PRSS48: variants seen among roughly 807,000 people sequenced by gnomAD.
The protein encoded by PRSS48 is serine protease 48, also known as epidermis-specific serine protease-like protein.
Under a neutral mutation model 25.6 loss-of-function variants are expected in PRSS48, and 21 were observed. The ratio of observed to expected loss-of-function variants is 0.82; its 90% CI spans 0.58 to 1.18. The LOEUF is 1.18. PRSS48 is among the 50% of genes most tolerant of loss of function. The probability of loss-of-function intolerance (pLI) is 0.00; values close to 1 mark genes in which losing one functional copy is unlikely to be tolerated. For synonymous variants in PRSS48, 150 were observed against 149.3 expected (o/e 1.00, Z -0.04); for missense variants, 373 against 399.3 (o/e 0.93, Z 0.56).
chr4:151,288,038 T>C (rs1287521089), intron 4 of PRSS48, among the ~76,000 whole-genome samples: 3 of 57,020 alleles, frequency 5.3e-5, no homozygotes, highest in Non-Finnish European at 1.2e-4. Flanking sequence ...ATCATGTCAA[T>C]AAATATGGAA....
At chr4:151,285,786 G>C (rs1774692343) in intron 4 of PRSS48, among the ~76,000 whole-genome samples, 1 of 151,968 alleles carries the variant, frequency 6.6e-6, no homozygotes, top group Admixed American at 6.6e-5. Context: ...AGGATCCCTT[G>C]AGCCCAGAAG....
rs745794438 is a variant in PRSS48, at chr4:151,291,341, C to A, written c.875C>A (p.Ser292Tyr). 6.2e-7 allele frequency: 1 copy of A among 1,613,924 alleles called. No individual in the cohort carries two copies. Among genetic ancestry groups the A allele is most frequent in the Admixed American group, 1.7e-5 (1 of 60,024 alleles). ...CTCTCTCTGGCTCTCCTGCGTCCCTCCTGTGCCTTTGGACCTAACACTATA... is the reference window on the plus strand; with the variant it reads ...CTCTCTCTGGCTCTCCTGCGTCCCTACTGTGCCTTTGGACCTAACACTATA... The change falls in exon 5 of 5, where the codon TCC becomes TAC. Residue 292 changes from serine (S) to tyrosine (Y), a missense_variant. By Grantham distance (144) the Ser-to-Tyr change is moderately radical. Transcript: ENST00000455694.
At chr4:151,287,804 C>T (rs1020740349) in intron 4 of PRSS48, among the ~76,000 whole-genome samples, 3 of 152,050 alleles carry the variant, frequency 2.0e-5, no homozygotes, top group Admixed American at 1.3e-4. Context: ...CACTTGAGAC[C>T]GGGAGGTCGA....
chr4:151,279,926 G>A (rs1403342309), exon 2 of PRSS48: 1 of 1,613,588 alleles, frequency 6.2e-7, no homozygotes, highest in South Asian at 1.1e-5. Context: ...TCAGTGAGAG[G>A]TTGATACTGA....
chr4:151,279,732 A>G, intron 1 of PRSS48, 64 bp from the exon 2 acceptor site: 1 of 1,476,014 alleles, frequency 6.8e-7, no homozygotes, highest in African/African-American at 1.4e-5. Flanking sequence ...GAATGATGAT[A>G]AGGTGGGGAC....
intron 3 of PRSS48, 46 bp from the exon 4 acceptor site, chr4:151,283,071 A>C: frequency 1.3e-6 from 2 of 1,587,238 alleles, no homozygotes; most frequent in African/African-American, 1.3e-5. Context: ...CTGCCCCTGC[A>C]CTTTTCTAGG....
exon 3 of PRSS48, chr4:151,282,191 A>G: frequency 2.5e-6 from 4 of 1,613,942 alleles, no homozygotes; most frequent in Non-Finnish European, 3.4e-6. Flanking sequence ...AGGATCGATT[A>G]CAGTAGGTGA....
At chr4:151,291,344 G>A (rs377609130) in exon 5 of PRSS48, 2 of 1,613,826 alleles carry the variant, frequency 1.2e-6, no homozygotes, top group African/African-American at 1.3e-5. Flanking sequence ...CGTCCCTCCT[G>A]TGCCTTTGGA....
chr4:151,286,600 TAAA>T (rs200710507), intron 4 of PRSS48, among the ~76,000 whole-genome samples: 3 of 132,814 alleles, frequency 2.3e-5, no homozygotes, highest in Admixed American at 7.6e-5. Context: ...CATTTGTGAT[TAAA>T]AAAAAAAAAA....
chr4:151,291,036 T>C, intron 4 of PRSS48, 82 bp from the exon 5 acceptor site: 1 of 1,107,666 alleles, frequency 9.0e-7, no homozygotes, highest in Non-Finnish European at 1.3e-6. Flanking sequence ...GGCCCAGTTT[T>C]AAAGAATTCT....
chr4:151,288,958 C>G (rs2150016757), intron 4 of PRSS48, among the ~76,000 whole-genome samples: 1 of 152,186 alleles, frequency 6.6e-6, no homozygotes, highest in East Asian at 1.9e-4. Flanking sequence ...AAACAAGAAA[C>G]AAGTTGAAGG....
chr4:151,279,350 T>TA (rs960311077), intron 1 of PRSS48, among the ~76,000 whole-genome samples: 11 of 151,034 alleles, frequency 7.3e-5, no homozygotes, highest in African/African-American at 1.2e-4. Context: ...ATCCCTGGTT[T>TA]AAAAAAAAAA....
chr4:151,280,051 A>AGATAGGCAGGGCGGAAGG, intron 2 of PRSS48, 93 bp downstream of exon 2: 3 of 702,750 alleles, frequency 4.3e-6, no homozygotes, highest in Non-Finnish European at 6.1e-6. Context: ...GAAAGTGGTA[A>AGATAGGCAGGGCGGAAGG]AATAGGCAGG....
At chr4:151,289,595 A>G (rs373227281) in intron 4 of PRSS48, among the ~76,000 whole-genome samples, 1 of 152,234 alleles carries the variant, frequency 6.6e-6, no homozygotes, top group African/African-American at 2.4e-5. Flanking sequence ...CAAATGTCCA[A>G]CTGGTATAAA....
chr4:151,282,989 A>G lies in PRSS48; in HGVS notation c.482-128A>G. 5 of 709,388 alleles carry G rather than the reference A, an allele frequency of 7.0e-6. No individual in the cohort carries two copies. In the South Asian group the frequency reaches 9.7e-5, roughly 14 times the overall value. 43.9% of individuals were successfully genotyped at this position (709,388 alleles called of 1,614,324 possible). A position where few individuals can be genotyped will look rare whatever the true frequency, so the allele number is the denominator to read the frequency against. ...TACCAAAAGATCCACCCATAAGCAAATATGATTGGAAAGGCATTGTAAGCT... is the reference window on the plus strand; with the variant it reads ...TACCAAAAGATCCACCCATAAGCAAGTATGATTGGAAAGGCATTGTAAGCT... On this transcript the variant is annotated intron_variant, in intron 3 of 4. Transcript: ENST00000455694.
chr4:151,291,062 A>AT, intron 4 of PRSS48, 56 bp from the exon 5 acceptor site: 1 of 1,347,882 alleles, frequency 7.4e-7, no homozygotes, highest in African/African-American at 1.4e-5. Context: ...CCTTATTACT[A>AT]CTCTCTTCTT....
At chr4:151,291,084 T>G (rs1469929430) in intron 4 of PRSS48, 34 bp from the exon 5 acceptor site, 1 of 1,515,522 alleles carries the variant, frequency 6.6e-7, no homozygotes, top group Non-Finnish European at 9.0e-7. Context: ...ATGCCTCTTT[T>G]CACTATGCTC....
chr4:151,286,786 C>T (rs1774833280), intron 4 of PRSS48, among the ~76,000 whole-genome samples: 1 of 151,494 alleles, frequency 6.6e-6, no homozygotes, highest in African/African-American at 2.4e-5. Context: ...TCGAGACGAG[C>T]CTAGCAAATG....
chr4:151,283,384 G>A, intron 4 of PRSS48, 98 bp downstream of exon 4: 2 of 1,039,910 alleles, frequency 1.9e-6, no homozygotes, highest in South Asian at 1.5e-5. Context: ...GGAGTCAGGA[G>A]ATGAGGGTTC....
Sources: allele counts gnomAD v4.1 joint callset (sites outside exome capture counted in the v4.1 genomes callset), GRCh38; gene constraint gnomAD v4.1.1; transcripts MANE v1.5; gene names NCBI Gene and HGNC (gene_info 2026-07-23, HGNC 2026-07-21).